Variants in GGTA1 observed in about 807,000 individuals in gnomAD.
GGTA1 encodes glycoprotein alpha-galactosyltransferase 1 (inactive), also known as inactive N-acetyllactosaminide alpha-1,3-galactosyltransferase.
A neutral mutation model predicts 2.6 loss-of-function variants in GGTA1; 5 were observed. The observed-to-expected ratio is 1.92, with a 90% CI of 1.00 to 4.04. The LOEUF is 4.04. Among genes scored for constraint, GGTA1 ranks in the 30% most tolerant of loss-of-function variants. The pLI is 0.00. For synonymous variants in GGTA1, 17 were observed against 5.0 expected (o/e 3.38, Z -3.19); for missense variants, 50 against 16.7 (o/e 2.99, Z -3.47).
intron 1 of GGTA1, chr9:121,494,408 C>T (rs12341605): frequency 0.27 from 41,484 of 152,192 alleles, 6,162 homozygotes; most frequent in Middle Eastern, 0.38. Flanking sequence ...GTGGTCTCCT[C>T]GCCACATTTG....
At chr9:121,463,088 A>G in intron 3 of GGTA1, 1 of 306,502 alleles carries the variant, frequency 3.3e-6, no homozygotes, top group Non-Finnish European at 6.3e-6. Flanking sequence ...AGGAGAACTG[A>G]GGGCAAGATA....
chr9:121,485,565 T>C (rs1235426469), intron 1 of GGTA1, among the ~76,000 whole-genome samples: 1 of 151,968 alleles, frequency 6.6e-6, no homozygotes, highest in Non-Finnish European at 1.5e-5. Flanking sequence ...TGGATGGCGG[T>C]GTATAGGAAA....
downstream of GGTA1, chr9:121,452,422 G>C (rs1326896351): frequency 6.5e-6 from 1 of 152,722 alleles, no homozygotes; most frequent in East Asian, 1.9e-4. Context: ...CAAACACTTG[G>C]CTGGGAGGTA....
chr9:121,471,964 T>G (rs907767367), intron 1 of GGTA1, among the ~76,000 whole-genome samples: 8 of 152,190 alleles, frequency 5.3e-5, no homozygotes, highest in African/African-American at 1.4e-4. Flanking sequence ...GTGGGGATGG[T>G]GGTAGCCACA....
intron 1 of GGTA1, among the ~76,000 whole-genome samples, chr9:121,498,274 T>C (rs1366670345): frequency 6.6e-6 from 1 of 152,240 alleles, no homozygotes; most frequent in Non-Finnish European, 1.5e-5. Flanking sequence ...TAGGGACTCG[T>C]TCAGCTCTGC....
At chr9:121,488,072 A>G (rs773280341) in intron 1 of GGTA1, among the ~76,000 whole-genome samples, 14 of 152,030 alleles carry the variant, frequency 9.2e-5, no homozygotes, top group Non-Finnish European at 1.6e-4. Flanking sequence ...ATGCAGAAAC[A>G]GGCTCAACCA....
chr9:121,445,942 C>CA (rs954092459), exon 8 of GGTA1: 4 of 152,234 alleles, frequency 2.6e-5, no homozygotes, highest in Admixed American at 1.3e-4. Flanking sequence ...CAAGCCTCTT[C>CA]AATCCACTGC....
intron 1 of GGTA1, among the ~76,000 whole-genome samples, chr9:121,481,082 G>A (rs1038286484): frequency 4.0e-5 from 6 of 150,972 alleles, no homozygotes; most frequent in Non-Finnish European, 8.8e-5. Flanking sequence ...GAACCCAGGA[G>A]GCGGAGCTTG....
chr9:121,479,970 A>C (rs1372858112), intron 1 of GGTA1, among the ~76,000 whole-genome samples: 1 of 152,030 alleles, frequency 6.6e-6, no homozygotes, highest in East Asian at 1.9e-4. Flanking sequence ...AACCCTTCCC[A>C]TACCCACCTC....
At chr9:121,465,013 AAAAAAC>A (rs1564652838) in intron 2 of GGTA1, among the ~76,000 whole-genome samples, 7 of 151,780 alleles carry the variant, frequency 4.6e-5, no homozygotes, top group Non-Finnish European at 7.4e-5. Context: ...AACAAAAAAA[AAAAAAC>A]AAAAAACAAC....
chr9:121,465,225 A>G (rs1452739636), intron 2 of GGTA1, among the ~76,000 whole-genome samples: 1 of 152,236 alleles, frequency 6.6e-6, no homozygotes, highest in Non-Finnish European at 1.5e-5. Flanking sequence ...ATGCACATAC[A>G]ACTCTGGCTA....
chr9:121,486,756 G>A (rs190551985), intron 1 of GGTA1, among the ~76,000 whole-genome samples: 109 of 152,300 alleles, frequency 7.2e-4, no homozygotes, highest in African/African-American at 2.6e-3. Context: ...GGCTTTTCTA[G>A]CTGCATAAAA....
rs77172182 is a variant in GGTA1 at position 121,489,862 on chromosome 9, C to T, written c.-10+9788G>A. 4.4e-3 allele frequency among the ~76,000 whole-genome samples: 664 copies of T among 152,250 alleles called. 6 individuals carry two copies. The highest frequency in any genetic ancestry group is 0.015 in the African/African-American group (636 of 41,534). ...TCACAGGAGTGTGAACTTTCTTCTT[C>T]CTCTGCTAAGCCTTCCTTAGTGAAG... On this transcript the variant is annotated intron_variant, in intron 1 of 5. Transcript: ENST00000481799.
At chr9:121,481,434 C>A (rs1188073688) in intron 1 of GGTA1, among the ~76,000 whole-genome samples, 1 of 152,124 alleles carries the variant, frequency 6.6e-6, no homozygotes, top group Non-Finnish European at 1.5e-5. Context: ...TGCCTGTAAT[C>A]CCAGCACTTT....
rs569567823 is a variant in GGTA1, at chr9:121,469,605, C to T, written c.-9-1674G>A. Among the ~76,000 whole-genome samples, 6 of 152,282 alleles carry T rather than the reference C, an allele frequency of 3.9e-5. No homozygotes were observed. In the South Asian group the frequency reaches 6.2e-4, roughly 16 times the overall value. On this transcript the variant is annotated intron_variant, in intron 1 of 5. Coordinates refer to ENST00000481799, the MANE Select transcript of GGTA1 (RefSeq NM_001382585.1). ...TGGCAGACTACTCTGATGGCCAAAACGAAGGGGTGGCTGTATTGCATACAT... is the reference window on the plus strand; with the variant it reads ...TGGCAGACTACTCTGATGGCCAAAATGAAGGGGTGGCTGTATTGCATACAT...
rs1414456653 is a variant in GGTA1, at chr9:121,455,655, C to T, written c.*182G>A. On this transcript the variant is annotated 3_prime_UTR_variant, in exon 6 of 6. Coordinates refer to ENST00000481799, the MANE Select transcript of GGTA1 (RefSeq NM_001382585.1). ...CATTTCCCAGTTCCCTGCTCTATACCAGGTCATCCTGCTAAGCGCTGAGAT... is the reference window on the plus strand; with the variant it reads ...CATTTCCCAGTTCCCTGCTCTATACTAGGTCATCCTGCTAAGCGCTGAGAT... 7.3e-6 allele frequency: 2 copies of T among 275,034 alleles called. No homozygotes were observed. Among genetic ancestry groups the T allele is most frequent in the African/African-American group, 2.2e-5 (1 of 45,508 alleles). The allele number at this position is 275,034 out of a possible 1,614,324, so 17.0% of individuals were successfully genotyped here. A position where few individuals can be genotyped will look rare whatever the true frequency, so the allele number is the denominator to read the frequency against.
At chr9:121,456,351 G>A (rs2064911303) in intron 5 of GGTA1, among the ~76,000 whole-genome samples, 1 of 152,102 alleles carries the variant, frequency 6.6e-6, no homozygotes, top group Non-Finnish European at 1.5e-5. Flanking sequence ...GTTATTGGCA[G>A]CTTTTAAATT....
intron 2 of GGTA1, among the ~76,000 whole-genome samples, chr9:121,465,924 C>G (rs1554836828): frequency 1.3e-5 from 2 of 151,288 alleles, no homozygotes; most frequent in African/African-American, 2.4e-5. Context: ...CCTCCCCCAA[C>G]TTTTTTTTTG....
downstream of GGTA1, among the ~76,000 whole-genome samples, chr9:121,450,664 T>C (rs1478485770): frequency 1.3e-5 from 2 of 152,220 alleles, no homozygotes; most frequent in Non-Finnish European, 2.9e-5. Flanking sequence ...ATCTGCAACG[T>C]GGCTGGGTTA....
Sources: gnomAD v4.1 joint callset for allele counts (sites outside exome capture counted in the v4.1 genomes callset) on GRCh38, gnomAD v4.1.1 for gene constraint, MANE v1.5 for transcripts, NCBI Gene and HGNC (gene_info 2026-07-23, HGNC 2026-07-21) for gene names.